SETX: variants seen among roughly 807,000 people sequenced by gnomAD.
The protein encoded by SETX is senataxin, also known as helicase senataxin.
A neutral mutation model predicts 227.2 loss-of-function variants in SETX; 90 were observed. The observed-to-expected ratio is 0.40, with a 90% CI of 0.33 to 0.47. The LOEUF is 0.47. SETX is among the 20% of genes least tolerant of loss of function. The probability of loss-of-function intolerance (pLI) is 0.91; values close to 1 mark genes in which losing one functional copy is unlikely to be tolerated. For missense variants in SETX, 3,052 were observed against 3,181.5 expected, an observed-to-expected ratio of 0.96 and a Z score of 0.98; for synonymous variants, 1,210 against 1,113.2, an observed-to-expected ratio of 1.09 and a Z score of -1.73.
At chr9:132,346,496 G>C in intron 3 of SETX, 25 bp from the exon 4 acceptor site, 1 of 1,506,962 alleles carries the variant, frequency 6.6e-7, no homozygotes, top group Non-Finnish European at 9.2e-7. Context: ...AATGGGCAGT[G>C]TGCGTTATGT....
At chr9:132,350,643 G>A (rs555478986) in intron 2 of SETX, among the ~76,000 whole-genome samples, 11 of 152,166 alleles carry the variant, frequency 7.2e-5, no homozygotes, top group South Asian at 2.1e-4. Flanking sequence ...ATTGTCATAT[G>A]AATTGATTTT....
chr9:132,300,484 G>GA (rs1311230128), intron 12 of SETX, 146 bp downstream of exon 12: 1 of 800,594 alleles, frequency 1.2e-6, no homozygotes, highest in Non-Finnish European at 2.1e-6. Flanking sequence ...AACTAGAAAA[G>GA]AGACTCTGAA....
rs1847053257 is a variant in SETX, at chr9:132,329,142, T to A, written c.2456A>T (p.Asn819Ile). Residue 819 changes from asparagine (N) to isoleucine (I), a missense_variant, in exon 10 of 26, where the codon AAC (asparagine) becomes ATC (isoleucine). Asn to Ile is a moderately radical substitution (Grantham distance 149, BLOSUM62 -3). Coordinates refer to ENST00000224140, the MANE Select transcript of SETX (RefSeq NM_015046.7). ...INLDENLTVSNIESFYSRKDT... is the reference protein window; with the variant it reads ...INLDENLTVSIIESFYSRKDT... ...TTTCCTTGAATAGAAACTCTCAATG[T>A]TAGATACAGTCAAATTTTCATCTAA... 1 of 1,611,384 alleles carries A rather than the reference T, an allele frequency of 6.2e-7. No homozygotes were observed. The highest frequency in any genetic ancestry group is 8.5e-7 in the Non-Finnish European group (1 of 1,179,632).
At chr9:132,285,878 C>CAAAAAAA (rs35343871) in intron 18 of SETX, among the ~76,000 whole-genome samples, 3 of 106,332 alleles carry the variant, frequency 2.8e-5, no homozygotes, top group Admixed American at 1.0e-4. Flanking sequence ...GACTCTGTCT[C>CAAAAAAA]AAAAAAAAAA....
chr9:132,300,591 T>TA, intron 12 of SETX, 39 bp downstream of exon 12: 1 of 1,592,416 alleles, frequency 6.3e-7, no homozygotes, highest in East Asian at 2.2e-5. Context: ...GATGAGACTG[T>TA]ATCTGACATT....
At position 132,324,653 on chromosome 9, in the gene SETX, G is replaced by T. The variant is rs77601872; in HGVS notation, c.5274+1671C>A. On this transcript the variant is annotated intron_variant, in intron 10 of 25. Transcript: ENST00000224140. ...AGAGTCCTTATCTCAATCCCAAATG[G>T]TCACTTCCAGAGAGCAGAGACCTCA... Among the ~76,000 whole-genome samples, 98 of 152,184 alleles carry T rather than the reference G, an allele frequency of 6.4e-4. 1 individual carries two copies. The highest frequency in any genetic ancestry group is 2.2e-3 in the African/African-American group (90 of 41,504).
At chr9:132,315,618 A>G (rs1026542219) in intron 10 of SETX, among the ~76,000 whole-genome samples, 9 of 152,206 alleles carry the variant, frequency 5.9e-5, no homozygotes, top group African/African-American at 1.9e-4. Context: ...GCTCCCAATC[A>G]ATATGTATGT....
At chr9:132,301,235 C>T (rs1240597529) in intron 11 of SETX, among the ~76,000 whole-genome samples, 8 of 151,552 alleles carry the variant, frequency 5.3e-5, no homozygotes, top group East Asian at 1.9e-4. Flanking sequence ...TGGAGGCGCC[C>T]GCCACCACGC....
chr9:132,324,244 A>C (rs932784097), intron 10 of SETX, among the ~76,000 whole-genome samples: 7 of 152,216 alleles, frequency 4.6e-5, no homozygotes, highest in Non-Finnish European at 7.3e-5. Flanking sequence ...CTGCTAAAAC[A>C]AAAGTACCTT....
Position 132,346,288 on chromosome 9 carries a change from G to C in SETX, c.361C>G (p.Pro121Ala). Residue 121 changes from proline to alanine, a missense_variant, in exon 4 of 26, where the codon CCT becomes GCT. This residue lies in a region of SETX where 152 missense variants were observed against 156.2 expected (regional missense o/e 0.97). Coordinates refer to ENST00000224140, the MANE Select transcript of SETX (RefSeq NM_015046.7). ...ACACGTTCATGTAGAAGCAAGTAAGGATATTTCAGTATTTCAAGAAGAGGA... is the reference window on the plus strand; with the variant it reads ...ACACGTTCATGTAGAAGCAAGTAAGCATATTTCAGTATTTCAAGAAGAGGA... ...RVPLLEILKY[P>A]YLLLHERVNE... 1 of 1,613,856 alleles carries C rather than the reference G, an allele frequency of 6.2e-7. No homozygotes were observed. The highest frequency in any genetic ancestry group is 8.5e-7 in the Non-Finnish European group (1 of 1,179,834).
chr9:132,323,448 T>C (rs1344360002), intron 10 of SETX, among the ~76,000 whole-genome samples: 2 of 151,912 alleles, frequency 1.3e-5, no homozygotes, highest in African/African-American at 4.8e-5. Context: ...ATAACAAAAA[T>C]GGATCTAAAA....
rs1471824334 is a variant in SETX at position 132,278,226 on chromosome 9, A to G, written c.6686T>C (p.Met2229Thr). The G allele has an allele frequency of 6.2e-7, 1 of 1,614,186 alleles. No homozygotes were observed. Among genetic ancestry groups the G allele is most frequent in the Admixed American group, 1.7e-5 (1 of 60,022 alleles). Residue 2229 changes from methionine to threonine, a missense_variant, in exon 21 of 26, where the codon ATG (methionine) becomes ACG (threonine). This residue lies in a region of SETX where 412 missense variants were observed against 589.0 expected (regional missense o/e 0.70). Transcript: ENST00000224140. ...KAQEYGYDQS[M>T]MARFCRLLEE... ...CAGCAGTCTGCAGAAGCGAGCCATC[A>G]TTGACTGGTCGTAGCCATACTCCTG...
intron 2 of SETX, among the ~76,000 whole-genome samples, chr9:132,351,152 G>GT (rs142698885): frequency 7.7e-4 from 116 of 151,146 alleles, no homozygotes; most frequent in African/African-American, 2.5e-3. Flanking sequence ...TGCAGAAGCT[G>GT]TTTTTTTTTC....
rs767883741 is a variant in SETX at position 132,326,350 on chromosome 9, A to G, written c.5248T>C (p.Leu1750=). 6.2e-7 allele frequency: 1 copy of G among 1,612,528 alleles called. No individual in the cohort carries two copies. Among genetic ancestry groups the G allele is most frequent in the East Asian group, 2.2e-5 (1 of 44,864 alleles). ...YGDYFNVFFP[L]MVLNTFETVA... is the part of the protein sequence containing the mutation. ...GTTTCAAAAGTATTCAATACCATCAAAGGGAAAAAAACATTAAAATAATCT... is the reference window on the plus strand; with the variant it reads ...GTTTCAAAAGTATTCAATACCATCAGAGGGAAAAAAACATTAAAATAATCT... The change falls in exon 10 of 26, where the codon TTG becomes CTG. Residue 1750 remains leucine, a synonymous_variant. Coordinates refer to ENST00000224140, the MANE Select transcript of SETX (RefSeq NM_015046.7).
chr9:132,335,171 A>G (rs1053955500), intron 6 of SETX, among the ~76,000 whole-genome samples: 1 of 151,868 alleles, frequency 6.6e-6, no homozygotes, highest in African/African-American at 2.4e-5. Flanking sequence ...CGGGCAGATC[A>G]CAAAGTCAGG....
chr9:132,335,300 A>G (rs569289736), intron 6 of SETX, among the ~76,000 whole-genome samples: 1 of 139,354 alleles, frequency 7.2e-6, no homozygotes, highest in East Asian at 2.3e-4. Flanking sequence ...CTGAGGCAGG[A>G]GAATGGCGTG....
chr9:132,327,394 T>A lies in SETX; in HGVS notation c.4204A>T (p.Thr1402Ser), dbSNP rs150421712. The change falls in exon 10 of 26, where the codon ACT (threonine) becomes TCT (serine). Residue 1402 changes from threonine (T) to serine (S), a missense_variant. Around this residue, in one of 10 missense-constraint regions of SETX, gnomAD observed 1,483 missense variants for 1,312.0 expected, o/e 1.13. Coordinates refer to ENST00000224140, the MANE Select transcript of SETX (RefSeq NM_015046.7). ...CTGTTACTGTTGGCAAGTACCTCAG[T>A]TCCTCCTGTACAATTATAATCTGAC... ...DRSDYNCTGG[T>S]EVLANSNRKQ... The A allele has an allele frequency of 7.6e-4, 1,229 of 1,614,192 alleles. 31 individuals are homozygous for A. In the East Asian group the frequency reaches 0.027, roughly 36 times the overall value.
At chr9:132,317,525 T>C (rs1413108016) in intron 10 of SETX, among the ~76,000 whole-genome samples, 1 of 152,226 alleles carries the variant, frequency 6.6e-6, no homozygotes, top group Non-Finnish European at 1.5e-5. Flanking sequence ...TTCACTGATA[T>C]CTAGTGTCTT....
rs1389892864 is a variant in SETX, at chr9:132,263,160, G to A, written c.*1079C>T. ...AGTCTACCACTCTCTTCCCAGTTCT[G>A]AACTCCTCTGGTTACGCTTCATTTT... On this transcript the variant is annotated 3_prime_UTR_variant, in exon 26 of 26. Transcript: ENST00000224140. 1 of 152,186 alleles carries A rather than the reference G, an allele frequency of 6.6e-6. No homozygotes were observed. Among genetic ancestry groups the A allele is most frequent in the Non-Finnish European group, 1.5e-5 (1 of 68,034 alleles). The allele number at this position is 152,186 out of a possible 1,614,324, so 9.4% of individuals were successfully genotyped here. A position where few individuals can be genotyped will look rare whatever the true frequency, so the allele number is the denominator to read the frequency against.
Sources: gnomAD v4.1 joint callset for allele counts (sites outside exome capture counted in the v4.1 genomes callset) on GRCh38, gnomAD v4.1.1 for gene constraint, gnomAD v4.1.1 regional missense constraint, MANE v1.5 for transcripts, NCBI Gene and HGNC (gene_info 2026-07-23, HGNC 2026-07-21) for gene names.